PPP1R9A: variants seen among roughly 807,000 people sequenced by gnomAD.
The protein encoded by PPP1R9A is neurabin-1.
Under a neutral mutation model 141.9 loss-of-function variants are expected in PPP1R9A, and 59 were observed. The ratio of observed to expected loss-of-function variants is 0.42; its 90% CI spans 0.34 to 0.52. The LOEUF (loss-of-function observed/expected upper bound fraction) is 0.52. Ranked by LOEUF, PPP1R9A falls within the 20% of genes least tolerant of loss-of-function variation. The pLI, the probability that PPP1R9A is intolerant of heterozygous loss-of-function variation, is 0.10. For synonymous variants in PPP1R9A, 500 were observed against 569.7 expected (o/e 0.88, Z 1.74); for missense variants, 1,444 against 1,611.9 (o/e 0.90, Z 1.78).
chr7:94,963,603 G>T (rs1797882833), intron 2 of PPP1R9A, among the ~76,000 whole-genome samples: 1 of 152,118 alleles, frequency 6.6e-6, no homozygotes, highest in Non-Finnish European at 1.5e-5. Flanking sequence ...CCATGTTGTA[G>T]TGTATACCAA....
intron 2 of PPP1R9A, among the ~76,000 whole-genome samples, chr7:95,072,543 C>T (rs532975757): frequency 1.5e-5 from 2 of 136,892 alleles, no homozygotes; most frequent in Non-Finnish European, 1.5e-5. Context: ...CATGCTATTA[C>T]GGTGTCTGTC....
At chr7:95,071,297 G>A (rs1813783659) in intron 2 of PPP1R9A, among the ~76,000 whole-genome samples, 1 of 151,962 alleles carries the variant, frequency 6.6e-6, no homozygotes. Context: ...TTAGCAATGG[G>A]ACAGAAGTAT....
chr7:94,917,663 C>T lies in PPP1R9A; in HGVS notation c.1395+6155C>T, dbSNP rs942603600. Reference sequence around the variant, plus strand: ...GTTCAAGCGACCCTCCTGCCTTGGCCTCCCGAAGTGCTGAGATTAAAGGCA... The same window carrying T: ...GTTCAAGCGACCCTCCTGCCTTGGCTTCCCGAAGTGCTGAGATTAAAGGCA... On this transcript the variant is annotated intron_variant, in intron 2 of 19. Coordinates refer to ENST00000433360, the MANE Select transcript of PPP1R9A (RefSeq NM_001166160.2). Among the ~76,000 whole-genome samples, 4 of 151,898 alleles carry T rather than the reference C, an allele frequency of 2.6e-5. No homozygotes were observed. The South Asian group carries it at 8.3e-4, about 32-fold the overall frequency.
At chr7:94,984,566 G>A (rs1800556365) in intron 2 of PPP1R9A, among the ~76,000 whole-genome samples, 1 of 152,086 alleles carries the variant, frequency 6.6e-6, no homozygotes, top group Non-Finnish European at 1.5e-5. Flanking sequence ...TTGGGAGGGT[G>A]TATGTGTCCA....
At chr7:95,199,935 A>G (rs1789168227) in intron 6 of PPP1R9A, among the ~76,000 whole-genome samples, 1 of 151,980 alleles carries the variant, frequency 6.6e-6, no homozygotes, top group Admixed American at 6.6e-5. Flanking sequence ...TTGCGTCCTC[A>G]CTGTGCTAGG....
chr7:95,131,018 G>A (rs1824507468), intron 4 of PPP1R9A, among the ~76,000 whole-genome samples: 1 of 152,110 alleles, frequency 6.6e-6, no homozygotes, highest in Non-Finnish European at 1.5e-5. Context: ...TAAGACTATG[G>A]GGGACTGTTT....
At chr7:95,003,950 C>A (rs1162257664) in intron 2 of PPP1R9A, among the ~76,000 whole-genome samples, 1 of 152,098 alleles carries the variant, frequency 6.6e-6, no homozygotes, top group South Asian at 2.1e-4. Flanking sequence ...AGGTAGGGAG[C>A]AGGTGAAGGC....
At chr7:95,116,555 T>C (rs1318281087) in intron 3 of PPP1R9A, among the ~76,000 whole-genome samples, 1 of 152,154 alleles carries the variant, frequency 6.6e-6, no homozygotes, top group Admixed American at 6.5e-5. Context: ...AATAACATCT[T>C]TTTGAAAGTC....
chr7:95,211,911 G>T (rs1291709879), intron 7 of PPP1R9A, among the ~76,000 whole-genome samples: 1 of 152,128 alleles, frequency 6.6e-6, no homozygotes. Context: ...GATCACTTGA[G>T]CCCAGGAGTT....
intron 2 of PPP1R9A, among the ~76,000 whole-genome samples, chr7:95,062,304 G>A (rs1215194062): frequency 6.6e-6 from 1 of 152,134 alleles, no homozygotes; most frequent in Non-Finnish European, 1.5e-5. Context: ...GGCATAAGAA[G>A]GGCATTAACT....
At chr7:95,258,935 A>T (rs1255190441) in intron 12 of PPP1R9A, among the ~76,000 whole-genome samples, 3 of 152,204 alleles carry the variant, frequency 2.0e-5, no homozygotes, top group African/African-American at 7.2e-5. Flanking sequence ...TTCGATGTGT[A>T]TATATATCCT....
chr7:95,252,197 T>G (rs1369300519), intron 12 of PPP1R9A, 67 bp downstream of exon 12: 1 of 1,446,524 alleles, frequency 6.9e-7, no homozygotes. Context: ...ATTTTTCTTT[T>G]TCTGACCCAG....
intron 3 of PPP1R9A, among the ~76,000 whole-genome samples, chr7:95,114,378 TA>T (rs888513003): frequency 6.6e-6 from 1 of 152,130 alleles, no homozygotes; most frequent in Non-Finnish European, 1.5e-5. Context: ...AAAGTAGTAT[TA>T]AAAAGTAGGG....
At chr7:94,951,169 C>T (rs1239987910) in intron 2 of PPP1R9A, among the ~76,000 whole-genome samples, 1 of 151,730 alleles carries the variant, frequency 6.6e-6, no homozygotes, top group Non-Finnish European at 1.5e-5. Flanking sequence ...GTATAGTATT[C>T]CAATAATGAT....
At chr7:95,219,282 T>G (rs1794033861) in intron 7 of PPP1R9A, among the ~76,000 whole-genome samples, 1 of 152,200 alleles carries the variant, frequency 6.6e-6, no homozygotes. Context: ...TCTTTAAGAA[T>G]GCTGAATATT....
chr7:95,247,380 A>G, intron 8 of PPP1R9A, 93 bp from the exon 9 acceptor site: 1 of 988,094 alleles, frequency 1.0e-6, no homozygotes. Flanking sequence ...TAGGCCTTTT[A>G]CTATGTAATA....
At chr7:95,150,862 A>G (rs914216358) in intron 4 of PPP1R9A, among the ~76,000 whole-genome samples, 2 of 152,258 alleles carry the variant, frequency 1.3e-5, no homozygotes, top group Non-Finnish European at 2.9e-5. Context: ...AGACCTGATC[A>G]TACGTTTCAC....
intron 2 of PPP1R9A, among the ~76,000 whole-genome samples, chr7:94,941,889 T>C (rs1795368463): frequency 2.0e-5 from 3 of 152,130 alleles, no homozygotes; most frequent in Admixed American, 2.0e-4. Context: ...GAAAGAGCAA[T>C]TGGCTATGTT....
chr7:95,149,549 CA>C (rs1038143727), intron 4 of PPP1R9A, among the ~76,000 whole-genome samples: 2 of 151,786 alleles, frequency 1.3e-5, no homozygotes, highest in African/African-American at 4.8e-5. Context: ...GCTTATTATA[CA>C]AAAGTCATTC....
Sources: gnomAD v4.1 joint callset for allele counts (sites outside exome capture counted in the v4.1 genomes callset) on GRCh38, gnomAD v4.1.1 for gene constraint, MANE v1.5 for transcripts, NCBI Gene and HGNC (gene_info 2026-07-23, HGNC 2026-07-21) for gene names.